Variants in XPO4 observed in about 807,000 individuals in gnomAD.
The protein encoded by XPO4 is exportin-4.
A neutral mutation model predicts 143.0 loss-of-function variants in XPO4; 39 were observed. That is an observed-to-expected ratio of 0.27 (90% CI 0.21 to 0.36). XPO4 has a LOEUF of 0.36. Ranked by LOEUF, XPO4 falls within the 10% of genes least tolerant of loss-of-function variation. The pLI, the probability that XPO4 is intolerant of heterozygous loss-of-function variation, is 1.00. For missense variants in XPO4, 907 were observed against 1,348.0 expected (o/e 0.67, Z 5.12); for synonymous variants, 439 against 474.0 (o/e 0.93, Z 0.96).
chr13:20,798,973 A>G (rs908563510), intron 16 of XPO4, among the ~76,000 whole-genome samples, 192 bp downstream of exon 16: 1 of 151,624 alleles, frequency 6.6e-6, no homozygotes, highest in African/African-American at 2.4e-5. Flanking sequence ...ATGAGCTGAG[A>G]CTGCACCACT....
chr13:20,831,150 C>A (rs1355359141), intron 6 of XPO4, among the ~76,000 whole-genome samples: 1 of 151,942 alleles, frequency 6.6e-6, no homozygotes, highest in African/African-American at 2.4e-5. Flanking sequence ...CCAGATAATT[C>A]TTAAATTCTT....
In XPO4 at chr13:20,853,336, C is replaced by CAAAA. The variant is rs56312143; in HGVS notation, c.456+2287_456+2290dup. Among the ~76,000 whole-genome samples, 5 of 101,928 alleles carry CAAAA rather than the reference C, an allele frequency of 4.9e-5. 1 individual carries two copies. The highest frequency in any genetic ancestry group is 1.2e-4 in the Admixed American group (1 of 8,630). The allele number at this position is 101,928 out of a possible 152,430, so 66.9% of individuals were successfully genotyped here. On this transcript the variant is annotated intron_variant, in intron 4 of 22. Transcript: ENST00000255305. ...CAACAGAGCAAGTGAGACCCTGTCTCAAAAAAAAAAAAAAAATAGCTTCCT... is the reference window on the plus strand; with the variant it reads ...CAACAGAGCAAGTGAGACCCTGTCTCAAAAAAAAAAAAAAAAAAAATAGCTTCCT...
intron 9 of XPO4, among the ~76,000 whole-genome samples, chr13:20,814,128 A>C (rs1471869137): frequency 6.6e-6 from 1 of 151,908 alleles, no homozygotes; most frequent in African/African-American, 2.4e-5. Flanking sequence ...TTGCCAAAAT[A>C]AACAGACTGG....
chr13:20,856,803 C>A, intron 3 of XPO4: 4 of 977,434 alleles, frequency 4.1e-6, no homozygotes, highest in South Asian at 4.7e-5. Context: ...ACTCTTTTGA[C>A]TTCCAGGCCT....
At chr13:20,890,722 C>T (rs2060503903) in intron 1 of XPO4, among the ~76,000 whole-genome samples, 1 of 148,696 alleles carries the variant, frequency 6.7e-6, no homozygotes, top group Non-Finnish European at 1.5e-5. Context: ...CTGCTTGAGC[C>T]TGGGAGGCAG....
intron 13 of XPO4, among the ~76,000 whole-genome samples, chr13:20,802,121 A>C (rs1242795517): frequency 6.6e-6 from 1 of 152,056 alleles, no homozygotes; most frequent in South Asian, 2.1e-4. Context: ...GCCCAGACAC[A>C]GTCACGGTCC....
intron 2 of XPO4, among the ~76,000 whole-genome samples, chr13:20,864,363 T>G (rs2060226628): frequency 6.6e-6 from 1 of 152,192 alleles, no homozygotes; most frequent in African/African-American, 2.4e-5. Context: ...TTGCCTATCT[T>G]CATTTTCTAC....
chr13:20,850,704 G>T, intron 4 of XPO4: 2 of 724,256 alleles, frequency 2.8e-6, no homozygotes, highest in Non-Finnish European at 3.4e-6. Flanking sequence ...GATCGAGGCA[G>T]CAGTGAGTTA....
At chr13:20,878,462 T>C (rs1359855853) in intron 1 of XPO4, among the ~76,000 whole-genome samples, 4 of 152,190 alleles carry the variant, frequency 2.6e-5, no homozygotes, top group Non-Finnish European at 4.4e-5. Flanking sequence ...AGAGAATACA[T>C]TGCAGTATAG....
chr13:20,864,887 G>C (rs1253716101), intron 2 of XPO4, among the ~76,000 whole-genome samples: 2 of 146,322 alleles, frequency 1.4e-5, no homozygotes, highest in Non-Finnish European at 3.0e-5. Flanking sequence ...AAAAAAAAAA[G>C]CCAAATTCCT....
At chr13:20,849,528 C>T (rs2060062918) in intron 4 of XPO4, 1 of 985,172 alleles carries the variant, frequency 1.0e-6, no homozygotes, top group Non-Finnish European at 1.2e-6. Context: ...TTCCATATCC[C>T]TCCCAAATTA....
intron 4 of XPO4, chr13:20,851,393 T>C: frequency 2.0e-6 from 2 of 985,406 alleles, no homozygotes; most frequent in Non-Finnish European, 2.4e-6. Flanking sequence ...TTCCTACTAT[T>C]ACAGTAGTTC....
intron 12 of XPO4, among the ~76,000 whole-genome samples, chr13:20,808,168 C>T (rs1179270706): frequency 6.6e-6 from 1 of 152,020 alleles, no homozygotes; most frequent in East Asian, 1.9e-4. Flanking sequence ...GGGATAATGA[C>T]GATGATGATG....
chr13:20,835,302 CATCACTCTCCTTGCAATTCT>C (rs1005633427), intron 6 of XPO4, among the ~76,000 whole-genome samples: 3 of 152,178 alleles, frequency 2.0e-5, no homozygotes, highest in Non-Finnish European at 4.4e-5. Context: ...TTTAAAATTC[CATCACTCTCCTTGCAATTCT>C]ATCAGTTTAA....
At chr13:20,881,686 C>A (rs1016339691) in intron 1 of XPO4, among the ~76,000 whole-genome samples, 8 of 152,082 alleles carry the variant, frequency 5.3e-5, no homozygotes, top group Non-Finnish European at 1.2e-4. Context: ...TACAGGAGTA[C>A]ACACAATCAC....
chr13:20,800,724 C>T, intron 14 of XPO4, 107 bp downstream of exon 14: 1 of 1,385,158 alleles, frequency 7.2e-7, no homozygotes, highest in East Asian at 2.3e-5. Context: ...TGTTAAACTG[C>T]TCTTAAACAG....
At chr13:20,863,920 C>T (rs1382574514) in intron 2 of XPO4, among the ~76,000 whole-genome samples, 1 of 152,150 alleles carries the variant, frequency 6.6e-6, no homozygotes, top group Non-Finnish European at 1.5e-5. Flanking sequence ...ATTTAAAAAT[C>T]TTACAAGTGT....
At chr13:20,873,588 C>T (rs895655196) in intron 1 of XPO4, among the ~76,000 whole-genome samples, 2 of 152,154 alleles carry the variant, frequency 1.3e-5, no homozygotes, top group Non-Finnish European at 2.9e-5. Context: ...TAATCCTTTC[C>T]TCAAAACAGT....
intron 2 of XPO4, chr13:20,866,135 C>A (rs1338479352): frequency 8.1e-6 from 8 of 984,966 alleles, no homozygotes; most frequent in Non-Finnish European, 9.6e-6. Flanking sequence ...AACATTTGAT[C>A]CTAAAAAATT....
Sources: gnomAD v4.1 joint callset for allele counts (sites outside exome capture counted in the v4.1 genomes callset) on GRCh38, gnomAD v4.1.1 for gene constraint, MANE v1.5 for transcripts, NCBI Gene and HGNC (gene_info 2026-07-23, HGNC 2026-07-21) for gene names.